ETFA: variants seen among roughly 807,000 people sequenced by gnomAD.
ETFA encodes electron transfer flavoprotein subunit alpha, also known as electron transfer flavoprotein subunit alpha, mitochondrial.
ETFA carries 22 observed loss-of-function variants against 46.2 expected under a neutral mutation model. The ratio of observed to expected loss-of-function variants is 0.48; its 90% confidence interval spans 0.34 to 0.68. The LOEUF (loss-of-function observed/expected upper bound fraction) is 0.68, where lower values mean the gene tolerates loss of function less well. Ranked by LOEUF, ETFA falls within the 30% of genes least tolerant of loss-of-function variation. ETFA has a pLI of 0.01. For missense variants in ETFA, 345 were observed against 401.1 expected (o/e 0.86, Z 1.19); for synonymous variants, 131 against 139.9 (o/e 0.94, Z 0.45).
At position 76,225,589 on chromosome 15, in the gene ETFA, G is replaced by A. The variant is rs16968002; in HGVS notation, c.963+260C>T. On this transcript the variant is annotated intron_variant, in intron 11 of 11. Coordinates refer to ENST00000557943, the MANE Select transcript of ETFA (RefSeq NM_000126.4). ...CAGGTGTGAGCCACCACGCCCGGCC[G>A]CCATGTGGATATTTTAAAGACAATT... is the stretch of plus-strand genomic sequence containing the variant. Among the ~76,000 whole-genome samples, 798 of 152,022 alleles carry A rather than the reference G, an allele frequency of 5.2e-3. 8 individuals are homozygous for A. The highest frequency in any genetic ancestry group is 0.018 in the African/African-American group (735 of 41,486).
At position 76,219,256 on chromosome 15, in the gene ETFA, G is replaced by A. The variant is rs2038930964; in HGVS notation, c.964-2659C>T. ...TCTTTGAACAGATAGATGGTGCTGG[G>A]ACAACTGGATAATCACATGCCAAAG... On this transcript the variant is annotated intron_variant, in intron 11 of 11. Coordinates refer to ENST00000557943, the MANE Select transcript of ETFA (RefSeq NM_000126.4). Among the ~76,000 whole-genome samples the A allele has an allele frequency of 2.0e-5, 3 of 152,168 alleles. No individual in the cohort carries two copies. In the South Asian group the frequency reaches 6.2e-4, roughly 32 times the overall value.
At chr15:76,228,088 T>C (rs2039023529) in intron 10 of ETFA, 4 of 400,762 alleles carry the variant, frequency 1.0e-5, no homozygotes, top group Admixed American at 8.4e-5. Context: ...GAGATTTGTT[T>C]AGTTATTGAT....
intron 9 of ETFA, among the ~76,000 whole-genome samples, chr15:76,255,028 CTATTTT>C (rs1243586060): frequency 6.6e-6 from 1 of 152,054 alleles, no homozygotes; most frequent in Non-Finnish European, 1.5e-5. Flanking sequence ...TAAAACTATT[CTATTTT>C]GATAATATTT....
At chr15:76,304,626 T>C (rs946953700) in intron 1 of ETFA, among the ~76,000 whole-genome samples, 1 of 145,058 alleles carries the variant, frequency 6.9e-6, no homozygotes, top group Non-Finnish European at 1.5e-5. Context: ...ATCACACCAC[T>C]GCACTCCAGC....
chr15:76,248,371 A>G (rs2039263714), intron 9 of ETFA, among the ~76,000 whole-genome samples: 1 of 152,236 alleles, frequency 6.6e-6, no homozygotes. Flanking sequence ...CACATTAAAC[A>G]TAAAAATCAA....
At chr15:76,264,485 G>A (rs1485360575) in intron 9 of ETFA, among the ~76,000 whole-genome samples, 1 of 152,128 alleles carries the variant, frequency 6.6e-6, no homozygotes, top group African/African-American at 2.4e-5. Flanking sequence ...GTTACAGGGG[G>A]AAAAATATCC....
intron 9 of ETFA, among the ~76,000 whole-genome samples, chr15:76,258,311 C>G (rs2039366757): frequency 6.6e-6 from 1 of 152,128 alleles, no homozygotes; most frequent in African/African-American, 2.4e-5. Context: ...CTTGCTGGCT[C>G]AGCACGCTGC....
intron 9 of ETFA, among the ~76,000 whole-genome samples, chr15:76,273,623 T>G (rs1489123054): frequency 6.6e-6 from 1 of 152,016 alleles, no homozygotes; most frequent in Non-Finnish European, 1.5e-5. Flanking sequence ...TTGAAAATGT[T>G]GACTACAGCA....
At chr15:76,249,398 G>A (rs977084366) in intron 9 of ETFA, among the ~76,000 whole-genome samples, 13 of 146,318 alleles carry the variant, frequency 8.9e-5, no homozygotes, top group African/African-American at 3.3e-4. Context: ...AAAGTGCTGG[G>A]ATTACAGGCG....
intron 10 of ETFA, 143 bp from the exon 11 acceptor site, chr15:76,226,072 T>C (rs879611094): frequency 3.2e-6 from 2 of 623,990 alleles, no homozygotes; most frequent in Non-Finnish European, 5.7e-6. Context: ...ACACTGTAAA[T>C]TTATTAGAAA....
Position 76,216,525 on chromosome 15 carries a change from A to G in ETFA, c.*34T>C, listed in dbSNP as rs777638283. 11 of 1,304,780 alleles carry G rather than the reference A, an allele frequency of 8.4e-6. No homozygotes were observed. The highest frequency in any genetic ancestry group is 1.5e-5 in the African/African-American group (1 of 68,940). The allele number at this position is 1,304,780 out of a possible 1,614,324, so 80.8% of individuals were successfully genotyped here. ...ATCTGTGATTTCAGTGGAATACTTT[A>G]ACAAAAGTTTTCTTTTTAAGGCATG... On this transcript the variant is annotated 3_prime_UTR_variant, in exon 12 of 12. Transcript: ENST00000557943.
intron 8 of ETFA, among the ~76,000 whole-genome samples, chr15:76,276,053 G>A (rs887748209): frequency 5.9e-5 from 9 of 152,080 alleles, no homozygotes; most frequent in African/African-American, 2.2e-4. Context: ...CCTCTTCAAT[G>A]CTCTCACTTG....
At chr15:76,242,978 G>A (rs749079175) in intron 9 of ETFA, among the ~76,000 whole-genome samples, 57 of 152,306 alleles carry the variant, frequency 3.7e-4, no homozygotes, top group Admixed American at 1.5e-3. Flanking sequence ...GAATGTGGTT[G>A]AAGTCATTAA....
chr15:76,262,797 C>A (rs1277688267), intron 9 of ETFA, among the ~76,000 whole-genome samples: 1 of 152,012 alleles, frequency 6.6e-6, no homozygotes, highest in Non-Finnish European at 1.5e-5. Context: ...AATCAAACTT[C>A]TAAAGATCTA....
intron 1 of ETFA, among the ~76,000 whole-genome samples, chr15:76,306,226 T>A (rs2039938457): frequency 6.6e-6 from 1 of 151,120 alleles, no homozygotes; most frequent in Non-Finnish European, 1.5e-5. Context: ...GGAAACTAGG[T>A]GTAATGAGGG....
At chr15:76,311,003 G>A (rs972543794) in intron 1 of ETFA, among the ~76,000 whole-genome samples, 18 of 152,234 alleles carry the variant, frequency 1.2e-4, no homozygotes, top group Non-Finnish European at 2.5e-4. Flanking sequence ...TCCCTCGGGT[G>A]TGGAGCAAGT....
chr15:76,283,935 T>A, intron 7 of ETFA, 110 bp from the exon 8 acceptor site: 2 of 746,060 alleles, frequency 2.7e-6, no homozygotes, highest in Non-Finnish European at 4.7e-6. Context: ...AACTGCCATA[T>A]TAAGCATGTC....
At chr15:76,238,431 G>A (rs1163473910) in intron 9 of ETFA, among the ~76,000 whole-genome samples, 4 of 152,060 alleles carry the variant, frequency 2.6e-5, no homozygotes, top group Admixed American at 2.6e-4. Flanking sequence ...CATGTAAGTG[G>A]TTCTATCTAG....
chr15:76,235,700 A>C (rs79095910), intron 9 of ETFA, among the ~76,000 whole-genome samples: 1,902 of 152,314 alleles, frequency 0.012, 117 homozygotes, highest in Admixed American at 0.1. Flanking sequence ...TCTGTAATCC[A>C]ATAAAGGAAA....
Sources: gnomAD v4.1 joint callset for allele counts (sites outside exome capture counted in the v4.1 genomes callset) on GRCh38, gnomAD v4.1.1 for gene constraint, MANE v1.5 for transcripts, NCBI Gene and HGNC (gene_info 2026-07-23, HGNC 2026-07-21) for gene names.